Variants in FANCB observed in about 807,000 individuals in gnomAD.
The protein encoded by FANCB is Fanconi anemia group B protein.
FANCB carries 5 observed loss-of-function variants against 38.9 expected under a neutral mutation model. That is an observed-to-expected ratio of 0.13 (90% CI 0.07 to 0.27). FANCB has a LOEUF of 0.27. FANCB is among the 10% of genes least tolerant of loss of function. The probability of loss-of-function intolerance (pLI) is 1.00; values close to 1 mark genes in which losing one functional copy is unlikely to be tolerated. For missense variants in FANCB, 573 were observed against 602.7 expected, an observed-to-expected ratio of 0.95 and a Z score of 0.52; for synonymous variants, 236 against 215.4, an observed-to-expected ratio of 1.10 and a Z score of -0.84.
chrX:14,694,021 T>A, the FANCB span, among the ~76,000 whole-genome samples: 1 of 109,909 alleles, frequency 9.1e-6, no homozygotes, highest in East Asian at 2.8e-4. Flanking sequence ...GGAGACAAAA[T>A]GAAGAATAAG....
At chrX:14,825,945 C>T in the FANCB span, among the ~76,000 whole-genome samples, 1 of 112,093 alleles carries the variant, frequency 8.9e-6, no homozygotes, top group Non-Finnish European at 1.9e-5. Flanking sequence ...TATACATTGC[C>T]TTAGCCCTGG....
At chrX:14,728,545 G>A in the FANCB span, among the ~76,000 whole-genome samples, 6 of 111,991 alleles carry the variant, frequency 5.4e-5, no homozygotes, top group African/African-American at 1.9e-4. Flanking sequence ...GGATGACATG[G>A]AATATTTGGC....
chrX:14,811,408 T>C, the FANCB span, among the ~76,000 whole-genome samples: 1 of 111,242 alleles, frequency 9.0e-6, no homozygotes, highest in Non-Finnish European at 1.9e-5. Flanking sequence ...CAGTGTGCTG[T>C]ATTCAGGAAA....
At chrX:14,824,438 G>T in the FANCB span, among the ~76,000 whole-genome samples, 4 of 111,716 alleles carry the variant, frequency 3.6e-5, no homozygotes, top group African/African-American at 6.5e-5. Context: ...GTATTCCATG[G>T]TAGGAATATA....
In FANCB at chrX:14,850,574, T is replaced by C. The variant is rs1331571459; in HGVS notation, c.1427A>G (p.Glu476Gly). The change falls in exon 7 of 10, where the codon GAG (glutamate) becomes GGG (glycine). Residue 476 changes from glutamate (E) to glycine (G), a missense_variant. Physicochemically the swap from Glu to Gly is moderately conservative, Grantham distance 98 (BLOSUM62 -2). Transcript: ENST00000650831. ...ATCTATTACACGATACCATATCTTC[T>C]CTACTAGCTGTTCTGAATCTTGAAA... is the stretch of plus-strand genomic sequence containing the variant. ...DNFQDSEQLVEKIWYRVIDDS... is the reference protein window; with the variant it reads ...DNFQDSEQLVGKIWYRVIDDS... The C allele has an allele frequency of 8.4e-7, 1 of 1,192,867 alleles. No individual in the cohort carries two copies. The highest frequency in any genetic ancestry group is 3.0e-5 in the East Asian group (1 of 33,739).
At chrX:14,803,696 T>C in the FANCB span, among the ~76,000 whole-genome samples, 1 of 111,479 alleles carries the variant, frequency 9.0e-6, no homozygotes, top group Non-Finnish European at 1.9e-5. Flanking sequence ...GCCAACTTTT[T>C]TCTTTCTTTC....
At chrX:14,747,538 G>T in the FANCB span, among the ~76,000 whole-genome samples, 1 of 112,408 alleles carries the variant, frequency 8.9e-6, no homozygotes, top group Non-Finnish European at 1.9e-5. Flanking sequence ...TTTAACAAAA[G>T]AATGTGTGAA....
At chrX:14,728,447 G>A in the FANCB span, among the ~76,000 whole-genome samples, 2 of 111,790 alleles carry the variant, frequency 1.8e-5, no homozygotes, top group South Asian at 7.4e-4. Flanking sequence ...ACTAGGTGCA[G>A]TCATTAATAA....
At chrX:14,827,113 T>A in the FANCB span, among the ~76,000 whole-genome samples, 1 of 111,773 alleles carries the variant, frequency 8.9e-6, no homozygotes, top group Admixed American at 9.5e-5. Context: ...ATTTGCACAC[T>A]AGAAACAAAC....
At chrX:14,768,221 A>G in the FANCB span, among the ~76,000 whole-genome samples, 116 of 111,709 alleles carry the variant, frequency 1.0e-3, no homozygotes, top group African/African-American at 3.2e-3. Flanking sequence ...TTTAATGGGA[A>G]TTGCATTGAA....
At chrX:14,840,355 A>G (rs770973232), downstream of FANCB, among the ~76,000 whole-genome samples, 56 of 111,605 alleles carry the variant, frequency 5.0e-4, no homozygotes, top group African/African-American at 1.7e-3. Flanking sequence ...TTCCTCACCA[A>G]AGAACCAAGC....
At chrX:14,863,007 T>C (rs1013576029) in intron 3 of FANCB, among the ~76,000 whole-genome samples, 5 of 112,499 alleles carry the variant, frequency 4.4e-5, no homozygotes, top group African/African-American at 1.6e-4. Context: ...TATAATGCGC[T>C]TTTAAAAGAT....
chrX:14,863,812 C>G (rs1241029543), intron 3 of FANCB, among the ~76,000 whole-genome samples: 2 of 71,764 alleles, frequency 2.8e-5, no homozygotes, highest in Admixed American at 2.8e-4. Flanking sequence ...TCAGAGACAA[C>G]AAGTAAATTT....
At chrX:14,773,892 C>A in the FANCB span, among the ~76,000 whole-genome samples, 2 of 111,301 alleles carry the variant, frequency 1.8e-5, no homozygotes, top group Non-Finnish European at 3.8e-5. Context: ...GGGGAAGAGT[C>A]TTAATTTGTC....
chrX:14,845,186 T>A lies in FANCB; in HGVS notation c.1597A>T (p.Asn533Tyr), dbSNP rs1340852448. 1 of 1,208,472 alleles carries A rather than the reference T, an allele frequency of 8.3e-7. No homozygotes were observed. The highest frequency in any genetic ancestry group is 1.1e-6 in the Non-Finnish European group (1 of 893,934). Residue 533 changes from asparagine to tyrosine, a missense_variant, in exon 8 of 10, where the codon AAT (asparagine) becomes TAT (tyrosine). Asn to Tyr is a moderately radical substitution (Grantham distance 143, BLOSUM62 -2). Transcript: ENST00000650831. ...CQNRVIKLST[N>Y]PFPAPYLMPC... ...ATCAAGTATGGTGCTGGGAAAGGAT[T>A]TGTACTCAACTTAATCACCCTATTT...
At chrX:14,818,589 T>C in the FANCB span, among the ~76,000 whole-genome samples, 1 of 110,556 alleles carries the variant, frequency 9.0e-6, no homozygotes, top group Non-Finnish European at 1.9e-5. Context: ...GATGAGAGAA[T>C]AAGGAAAATG....
chrX:14,817,616 C>A, the FANCB span, among the ~76,000 whole-genome samples: 9 of 111,482 alleles, frequency 8.1e-5, no homozygotes, highest in Non-Finnish European at 1.5e-4. Context: ...ACCACAATAA[C>A]CCCCTAGCTG....
chrX:14,724,833 C>T, the FANCB span, among the ~76,000 whole-genome samples: 1 of 111,011 alleles, frequency 9.0e-6, no homozygotes, highest in East Asian at 2.8e-4. Context: ...CATTTCAGCA[C>T]ATGTCATTAA....
At chrX:14,780,893 G>A in the FANCB span, among the ~76,000 whole-genome samples, 12 of 109,354 alleles carry the variant, frequency 1.1e-4, 1 homozygote, top group African/African-American at 2.8e-4. Flanking sequence ...GGTAATGGAC[G>A]AATTTGGCCC....
Sources: allele counts gnomAD v4.1 joint callset (sites outside exome capture counted in the v4.1 genomes callset), GRCh38; gene constraint gnomAD v4.1.1; transcripts MANE v1.5; gene names NCBI Gene and HGNC (gene_info 2026-07-23, HGNC 2026-07-21).